The following CRACD variants were observed in gnomAD, a reference collection of about 807,000 sequenced individuals.
CRACD encodes the protein capping protein inhibiting regulator of actin dynamics, also known as capping protein-inhibiting regulator of actin dynamics.
CRACD carries 56 observed loss-of-function variants against 106.8 expected under a neutral mutation model. The ratio of observed to expected loss-of-function variants is 0.52; its 90% CI spans 0.42 to 0.66. The LOEUF is 0.66. CRACD is among the 30% of genes least tolerant of loss of function. CRACD has a pLI of 0.00. For synonymous variants in CRACD, 754 were observed against 670.8 expected, an observed-to-expected ratio of 1.12 and a Z score of -1.92; for missense variants, 1,730 against 1,623.2, an observed-to-expected ratio of 1.07 and a Z score of -1.13.
chr4:56,156,258 G>A (rs1735759810), intron 1 of CRACD, among the ~76,000 whole-genome samples: 1 of 152,196 alleles, frequency 6.6e-6, no homozygotes, highest in Non-Finnish European at 1.5e-5. Flanking sequence ...CACCGCACCT[G>A]GCCGAATGTT....
At chr4:56,299,225 T>G (rs1744225849) in intron 4 of CRACD, among the ~76,000 whole-genome samples, 1 of 152,062 alleles carries the variant, frequency 6.6e-6, no homozygotes, top group Admixed American at 6.5e-5. Flanking sequence ...CTACCTAAAA[T>G]CTACTCGGGT....
rs570384689 is a variant in CRACD, at chr4:56,057,156, G to C, written c.-336+7857G>C. Among the ~76,000 whole-genome samples, 19 of 152,176 alleles carry C rather than the reference G, an allele frequency of 1.2e-4. 1 individual carries two copies. The highest frequency in any genetic ancestry group is 4.6e-4 in the African/African-American group (19 of 41,510). On this transcript the variant is annotated intron_variant, in intron 1 of 10. Coordinates refer to ENST00000682029, the MANE Select transcript of CRACD (RefSeq NM_001393381.1). Reference sequence around the variant, plus strand: ...TGTGGCTTGCATTATGTTTCTGTTGGGCAGTGCTGGTCTAGTCCAACCCTC... The same window carrying C: ...TGTGGCTTGCATTATGTTTCTGTTGCGCAGTGCTGGTCTAGTCCAACCCTC...
intron 1 of CRACD, among the ~76,000 whole-genome samples, chr4:56,056,374 T>C (rs1035459114): frequency 3.9e-5 from 6 of 152,216 alleles, no homozygotes; most frequent in African/African-American, 1.4e-4. Flanking sequence ...AAATAACTTC[T>C]AGTGTTAAGA....
At chr4:56,090,541 C>T (rs982543845) in intron 1 of CRACD, among the ~76,000 whole-genome samples, 25 of 152,212 alleles carry the variant, frequency 1.6e-4, no homozygotes, top group African/African-American at 5.8e-4. Context: ...ACTACAGGTG[C>T]GTACCACCAC....
intron 1 of CRACD, among the ~76,000 whole-genome samples, chr4:56,157,603 A>G (rs989011150): frequency 6.6e-6 from 1 of 152,170 alleles, no homozygotes; most frequent in Non-Finnish European, 1.5e-5. Context: ...AATCACCTTC[A>G]TGGAGTCGGT....
At chr4:56,213,909 T>G (rs1408120992) in intron 2 of CRACD, among the ~76,000 whole-genome samples, 1 of 152,222 alleles carries the variant, frequency 6.6e-6, no homozygotes, top group Non-Finnish European at 1.5e-5. Flanking sequence ...AATGACCAAC[T>G]GAAATACGTT....
At chr4:56,084,050 G>A (rs535140882) in intron 1 of CRACD, among the ~76,000 whole-genome samples, 1 of 152,268 alleles carries the variant, frequency 6.6e-6, no homozygotes, top group Non-Finnish European at 1.5e-5. Context: ...TGAGGTATGA[G>A]GAGCAAGGTT....
intron 4 of CRACD, among the ~76,000 whole-genome samples, chr4:56,300,514 G>A (rs184158926): frequency 3.3e-4 from 50 of 152,270 alleles, no homozygotes; most frequent in African/African-American, 1.1e-3. Flanking sequence ...TATGGTGATG[G>A]CCAAAGAAAA....
intron 1 of CRACD, among the ~76,000 whole-genome samples, chr4:56,057,819 T>TTTTTTTTTTTTGTTTTG (rs1732136563): frequency 1.3e-5 from 1 of 79,230 alleles, no homozygotes; most frequent in African/African-American, 7.9e-5. Flanking sequence ...TTTTTGTTTT[T>TTTTTTTTTTTTGTTTTG]TTTTTTTTTT....
intron 2 of CRACD, among the ~76,000 whole-genome samples, chr4:56,207,117 A>G (rs1738159786): frequency 6.6e-6 from 1 of 152,196 alleles, no homozygotes; most frequent in Admixed American, 6.5e-5. Flanking sequence ...GCTCATTAAG[A>G]AACAAAAACA....
chr4:56,186,107 A>G (rs1737085085), intron 2 of CRACD, among the ~76,000 whole-genome samples: 1 of 152,230 alleles, frequency 6.6e-6, no homozygotes, highest in South Asian at 2.1e-4. Flanking sequence ...GACGTAACCC[A>G]AGATGAGTTG....
At chr4:56,256,263 A>G (rs1357619500) in intron 2 of CRACD, among the ~76,000 whole-genome samples, 1 of 152,164 alleles carries the variant, frequency 6.6e-6, no homozygotes, top group Non-Finnish European at 1.5e-5. Flanking sequence ...AAGAGGTCAG[A>G]TGGTTTTATA....
At chr4:56,310,177 C>G (rs1168431344) in intron 5 of CRACD, among the ~76,000 whole-genome samples, 1 of 152,144 alleles carries the variant, frequency 6.6e-6, no homozygotes, top group Non-Finnish European at 1.5e-5. Flanking sequence ...TTCTTGGCCC[C>G]TCCCTGGTCT....
intron 2 of CRACD, among the ~76,000 whole-genome samples, chr4:56,207,745 C>CATATATAT (rs58423475): frequency 0.016 from 1,723 of 105,874 alleles, 22 homozygotes; most frequent in East Asian, 0.07. Flanking sequence ...CTTGTTTTCT[C>CATATATAT]ATATATATAT....
At chr4:56,091,717 CT>C (rs1733431013) in intron 1 of CRACD, among the ~76,000 whole-genome samples, 1 of 152,092 alleles carries the variant, frequency 6.6e-6, no homozygotes, top group South Asian at 2.1e-4. Flanking sequence ...GTTAAGTAGA[CT>C]TTGGTGGGCG....
intron 6 of CRACD, chr4:56,311,208 G>C (rs1318807845): frequency 1.8e-5 from 3 of 170,366 alleles, no homozygotes; most frequent in East Asian, 3.6e-4. Context: ...TTACCTGCAG[G>C]AGTGTAAGAA....
At chr4:56,087,677 C>T (rs1733275863) in intron 1 of CRACD, among the ~76,000 whole-genome samples, 1 of 152,202 alleles carries the variant, frequency 6.6e-6, no homozygotes, top group Admixed American at 6.5e-5. Context: ...ACTCTTTTAT[C>T]CAGATGCCTA....
intron 2 of CRACD, among the ~76,000 whole-genome samples, chr4:56,225,334 T>G (rs1739245794): frequency 6.6e-6 from 1 of 152,182 alleles, no homozygotes; most frequent in Non-Finnish European, 1.5e-5. Flanking sequence ...CCTCAGGTGA[T>G]CAACCCACCT....
chr4:56,274,370 G>A (rs558662023), intron 3 of CRACD, among the ~76,000 whole-genome samples: 1 of 152,322 alleles, frequency 6.6e-6, no homozygotes, highest in African/African-American at 2.4e-5. Flanking sequence ...CCCTTAGAGG[G>A]ACAGTTCTAT....
Sources: gnomAD v4.1 joint callset for allele counts (sites outside exome capture counted in the v4.1 genomes callset) on GRCh38, gnomAD v4.1.1 for gene constraint, MANE v1.5 for transcripts, NCBI Gene and HGNC (gene_info 2026-07-23, HGNC 2026-07-21) for gene names.